The following IL10RB variants were observed in gnomAD, a reference collection of about 807,000 sequenced individuals.
IL10RB encodes the protein interleukin-10 receptor subunit beta.
IL10RB carries 30 observed loss-of-function variants against 38.7 expected under a neutral mutation model. The observed-to-expected ratio is 0.78, with a 90% CI of 0.58 to 1.05. IL10RB has a LOEUF of 1.05. Among genes scored for constraint, IL10RB ranks in the 50% least tolerant of loss-of-function variants. IL10RB has a pLI of 0.00. For synonymous variants in IL10RB, 142 were observed against 145.9 expected, an observed-to-expected ratio of 0.97 and a Z score of 0.19; for missense variants, 328 against 397.1, an observed-to-expected ratio of 0.83 and a Z score of 1.48.
At position 33,277,097 on chromosome 21, in the gene IL10RB, A is replaced by G. The variant is rs1989185402; in HGVS notation, c.331+344A>G. 1.3e-5 allele frequency among the ~76,000 whole-genome samples: 2 copies of G among 152,200 alleles called. 1 individual carries two copies. The highest frequency in any genetic ancestry group is 4.8e-5 in the African/African-American group (2 of 41,446). ...GTCAGTATGGAATTATGACTTAAAC[A>G]AAGAAACATAACGTGATAGGCAAAA... On this transcript the variant is annotated intron_variant, in intron 3 of 6. Transcript: ENST00000290200.
rs780284942 is a variant in IL10RB at position 33,276,586 on chromosome 21, G to T, written c.174-10G>T. ...ACTCTCCTGATTGACCTATCTTTTTGATTGTGTAGTTATAGGATATTCCAA... is the reference window on the plus strand; with the variant it reads ...ACTCTCCTGATTGACCTATCTTTTTTATTGTGTAGTTATAGGATATTCCAA... On this transcript the variant is annotated splice_polypyrimidine_tract_variant and intron_variant, in intron 2 of 6. Transcript: ENST00000290200. The T allele has an allele frequency of 1.2e-6, 2 of 1,610,628 alleles. No homozygotes were observed. The highest frequency in any genetic ancestry group is 1.7e-5 in the Admixed American group (1 of 59,976).
intron 1 of IL10RB, among the ~76,000 whole-genome samples, chr21:33,306,648 C>T (rs953255292): frequency 6.6e-6 from 1 of 152,092 alleles, no homozygotes; most frequent in Non-Finnish European, 1.5e-5. Context: ...GTCCTCCTGC[C>T]TCAGCCTTCC....
intron 2 of IL10RB, among the ~76,000 whole-genome samples, chr21:33,275,582 A>G (rs1568904881): frequency 6.6e-6 from 1 of 152,212 alleles, no homozygotes; most frequent in Non-Finnish European, 1.5e-5. Flanking sequence ...TATCCAGACC[A>G]CTGAGACTTT....
chr21:33,300,265 C>G (rs891335086), downstream of IL10RB, among the ~76,000 whole-genome samples: 1 of 152,030 alleles, frequency 6.6e-6, no homozygotes, highest in African/African-American at 2.4e-5. Flanking sequence ...CATGGTGATA[C>G]CCCGTCTCTA....
At chr21:33,286,514 C>T (rs1267503140) in intron 5 of IL10RB, among the ~76,000 whole-genome samples, 6 of 152,064 alleles carry the variant, frequency 3.9e-5, no homozygotes, top group African/African-American at 7.2e-5. Flanking sequence ...CAAAGCAGGA[C>T]GCTAATTAAA....
At chr21:33,276,847 G>A (rs892903371) in intron 3 of IL10RB, 94 bp downstream of exon 3, 13 of 979,656 alleles carry the variant, frequency 1.3e-5, no homozygotes, top group Non-Finnish European at 2.1e-5. Context: ...TTCTTTGAGG[G>A]CCCACAAATG....
At chr21:33,276,513 C>A in intron 2 of IL10RB, 83 bp from the exon 3 acceptor site, 2 of 1,104,336 alleles carry the variant, frequency 1.8e-6, no homozygotes. Flanking sequence ...CGCGCCGCCC[C>A]CCCCTCCAAA....
intron 2 of IL10RB, among the ~76,000 whole-genome samples, chr21:33,268,881 T>C (rs905527310): frequency 6.6e-6 from 1 of 152,142 alleles, no homozygotes; most frequent in Non-Finnish European, 1.5e-5. Flanking sequence ...ACTGCTGTCA[T>C]CTCTAGGTAT....
chr21:33,266,399 A>C lies in IL10RB; in HGVS notation c.-67A>C. 6.6e-7 allele frequency: 1 copy of C among 1,509,376 alleles called. No individual in the cohort carries two copies. The highest frequency in any genetic ancestry group is 8.9e-7 in the Non-Finnish European group (1 of 1,125,388). 93.5% of individuals were successfully genotyped at this position (1,509,376 alleles called of 1,614,324 possible). On this transcript the variant is annotated 5_prime_UTR_variant, in exon 1 of 7. Coordinates refer to ENST00000290200, the MANE Select transcript of IL10RB (RefSeq NM_000628.5). ...CTGGTTCCCGGAAGCCGCCGCGGAC[A>C]AGCTCTCCCGGGCGCGGGCGGGGGT...
intron 6 of IL10RB, chr21:33,294,069 A>T (rs1188713461): frequency 2.1e-6 from 1 of 471,038 alleles, no homozygotes; most frequent in African/African-American, 2.0e-5. Context: ...GCCTGCTGGC[A>T]TAAGCTCTCA....
chr21:33,308,506 A>T (rs750812936), intron 1 of IL10RB: 6 of 152,256 alleles, frequency 3.9e-5, no homozygotes, highest in South Asian at 2.1e-4. Flanking sequence ...AGAACTGCTG[A>T]TGAGGACATC....
intron 6 of IL10RB, among the ~76,000 whole-genome samples, chr21:33,289,304 C>A (rs1460528598): frequency 2.0e-5 from 3 of 152,210 alleles, no homozygotes; most frequent in African/African-American, 7.2e-5. Flanking sequence ...CTGGAAGCAG[C>A]TCCTCCAGGA....
intron 1 of IL10RB, among the ~76,000 whole-genome samples, chr21:33,307,185 A>G (rs1401223352): frequency 6.6e-6 from 1 of 152,112 alleles, no homozygotes; most frequent in Non-Finnish European, 1.5e-5. Context: ...ATGCTAATCC[A>G]CCATGTTGAC....
intron 2 of IL10RB, among the ~76,000 whole-genome samples, chr21:33,273,069 G>A (rs905417092): frequency 6.6e-6 from 1 of 152,202 alleles, no homozygotes; most frequent in African/African-American, 2.4e-5. Flanking sequence ...TGCATCATTA[G>A]ACAGTTTTGC....
At chr21:33,283,366 T>C in intron 5 of IL10RB, 125 bp downstream of exon 5, 1 of 992,734 alleles carries the variant, frequency 1.0e-6, no homozygotes, top group Admixed American at 1.9e-5. Flanking sequence ...ACATTATCTC[T>C]CAGCCCTGAC....
chr21:33,297,274 G>C (rs1396981513), downstream of IL10RB: 1 of 152,180 alleles, frequency 6.6e-6, no homozygotes, highest in Non-Finnish European at 1.5e-5. Flanking sequence ...AAAGGCTCTA[G>C]TTTGCCATCT....
rs1390422771 is a variant in IL10RB, at chr21:33,296,544, C to A, written c.*187C>A. The A allele has an allele frequency of 8.5e-6, 6 of 706,602 alleles. No individual in the cohort carries two copies. Among genetic ancestry groups the A allele is most frequent in the Non-Finnish European group, 1.3e-5 (5 of 391,454 alleles). 43.8% of individuals were successfully genotyped at this position (706,602 alleles called of 1,614,324 possible). On this transcript the variant is annotated 3_prime_UTR_variant, in exon 7 of 7. Coordinates refer to ENST00000290200, the MANE Select transcript of IL10RB (RefSeq NM_000628.5). The stretch of plus-strand genomic sequence containing the variant: ...TAAAGGCTGTCTTGGCAAAAATACT[C>A]CATTTGGGAACTCACTGCCTTATAA...
chr21:33,278,043 TACC>T (rs1215076501), intron 3 of IL10RB, among the ~76,000 whole-genome samples: 2 of 48,924 alleles, frequency 4.1e-5, no homozygotes, highest in Non-Finnish European at 7.8e-5. Flanking sequence ...ACAAAAAAAA[TACC>T]AAAAAAAAAA....
At chr21:33,306,198 T>C (rs2082998559) in intron 1 of IL10RB, among the ~76,000 whole-genome samples, 2 of 152,110 alleles carry the variant, frequency 1.3e-5, no homozygotes, top group African/African-American at 4.8e-5. Flanking sequence ...AGAATGGATC[T>C]GGAGAGGCAG....
Sources: gnomAD v4.1 joint callset for allele counts (sites outside exome capture counted in the v4.1 genomes callset) on GRCh38, gnomAD v4.1.1 for gene constraint, MANE v1.5 for transcripts, NCBI Gene and HGNC (gene_info 2026-07-23, HGNC 2026-07-21) for gene names.